FRZB: variants seen among roughly 807,000 people sequenced by gnomAD.
FRZB encodes the protein secreted frizzled-related protein 3.
In FRZB, 34 loss-of-function variants were observed where a neutral mutation model predicts 32.5. That is an observed-to-expected ratio of 1.05 (90% CI 0.80 to 1.39). FRZB has a LOEUF of 1.39. Among genes scored for constraint, FRZB ranks in the 40% most tolerant of loss-of-function variants. The probability of loss-of-function intolerance (pLI) is 0.00; values close to 1 mark genes in which losing one functional copy is unlikely to be tolerated. For missense variants in FRZB, 423 were observed against 424.8 expected (o/e 1.00, Z 0.04); for synonymous variants, 170 against 159.2 (o/e 1.07, Z -0.51).
At chr2:182,852,377 G>A (rs80252162) in intron 2 of FRZB, among the ~76,000 whole-genome samples, 7,891 of 152,228 alleles carry the variant, frequency 0.052, 264 homozygotes, top group Non-Finnish European at 0.075. Flanking sequence ...CCAAGAGCAG[G>A]TTAGTGAAAA....
At chr2:182,853,127 C>T (rs761132598) in intron 2 of FRZB, among the ~76,000 whole-genome samples, 1 of 152,100 alleles carries the variant, frequency 6.6e-6, no homozygotes, top group African/African-American at 2.4e-5. Context: ...GTTTTTTTCA[C>T]AAACAGAATG....
intron 1 of FRZB, 84 bp from the exon 2 acceptor site, chr2:182,858,917 T>C (rs1695800388): frequency 8.8e-7 from 1 of 1,134,884 alleles, no homozygotes; most frequent in Non-Finnish European, 1.3e-6. Flanking sequence ...AGTCACAAGT[T>C]TGATTTGGGT....
At chr2:182,848,915 A>C (rs1201721030) in intron 2 of FRZB, among the ~76,000 whole-genome samples, 2 of 152,150 alleles carry the variant, frequency 1.3e-5, no homozygotes, top group African/African-American at 2.4e-5. Context: ...GGGTGATAAG[A>C]CACCAGACAA....
At chr2:182,844,584 G>A (rs1001944042) in intron 2 of FRZB, among the ~76,000 whole-genome samples, 8 of 152,030 alleles carry the variant, frequency 5.3e-5, no homozygotes, top group African/African-American at 1.4e-4. Flanking sequence ...TCAGAAATTT[G>A]CATGTGCTCA....
chr2:182,863,054 G>T (rs998344143), intron 1 of FRZB, among the ~76,000 whole-genome samples: 2 of 152,214 alleles, frequency 1.3e-5, no homozygotes, highest in Non-Finnish European at 2.9e-5. Context: ...ACAGGAGTGA[G>T]CCACTGCACC....
chr2:182,866,212 C>T lies in FRZB; in HGVS notation c.341G>A (p.Arg114Gln), dbSNP rs200401426. The change falls in exon 1 of 6, where the codon CGG becomes CAG. Residue 114 changes from arginine (R) to glutamine (Q), a missense_variant. Transcript: ENST00000295113. The surrounding 1 kb of genome is among the most constrained non-coding windows in gnomAD (Gnocchi z 4.5). Reference protein sequence around the residue: ...PIKPCKSVCERARQGCEPILI... With the variant: ...PIKPCKSVCEQARQGCEPILI... ...TATGGGCTCACAGCCCTGCCGGGCCCGCTCGCACACAGACTTACAGGGCTT... is the reference window on the plus strand; with the variant it reads ...TATGGGCTCACAGCCCTGCCGGGCCTGCTCGCACACAGACTTACAGGGCTT... 3.7e-6 allele frequency: 6 copies of T among 1,614,044 alleles called. No individual in the cohort carries two copies. The highest frequency in any genetic ancestry group is 1.1e-5 in the South Asian group (1 of 91,078).
Position 182,866,194 on chromosome 2 carries a change from T to C in FRZB, c.359A>G (p.Glu120Gly). ...GTGGCGGTACTTGATGAGTATGGGC[T>C]CACAGCCCTGCCGGGCCCGCTCGCA... ...SVCERARQGCEPILIKYRHSW... is the reference protein window; with the variant it reads ...SVCERARQGCGPILIKYRHSW... The change falls in exon 1 of 6, where the codon GAG becomes GGG. Residue 120 changes from glutamate to glycine, a missense_variant. Glu to Gly is a moderately conservative substitution (Grantham distance 98). Coordinates refer to ENST00000295113, the MANE Select transcript of FRZB (RefSeq NM_001463.4). The surrounding 1 kb of genome is among the most constrained non-coding windows in gnomAD (Gnocchi z 4.5). 6.2e-7 allele frequency: 1 copy of C among 1,614,156 alleles called. No homozygotes were observed. The highest frequency in any genetic ancestry group is 8.5e-7 in the Non-Finnish European group (1 of 1,180,006).
intron 2 of FRZB, among the ~76,000 whole-genome samples, chr2:182,848,235 G>A (rs1349548102): frequency 1.3e-5 from 2 of 152,112 alleles, no homozygotes; most frequent in South Asian, 4.1e-4. Flanking sequence ...GAGTGGCTGG[G>A]GTAGAATAGA....
chr2:182,864,194 C>T (rs549881577), intron 1 of FRZB, among the ~76,000 whole-genome samples: 16 of 152,302 alleles, frequency 1.1e-4, no homozygotes, highest in African/African-American at 3.9e-4. Flanking sequence ...AATGAAACTG[C>T]TTCCTATCCA....
rs1695889970 is a variant in FRZB, at chr2:182,866,256, G to A, written c.297C>T (p.Asp99=). The A allele has an allele frequency of 6.2e-7, 1 of 1,614,228 alleles. No individual in the cohort carries two copies. The highest frequency in any genetic ancestry group is 8.5e-7 in the Non-Finnish European group (1 of 1,180,044). The part of the protein sequence containing the change: ...CAMYAPICTI[D]FQHEPIKPCK... ...AGGGCTTGATGGGCTCGTGCTGGAA[G>A]TCAATGGTGCAGATGGGCGCGTACA... is the stretch of plus-strand genomic sequence containing the variant. The change falls in exon 1 of 6, where the codon GAC becomes GAT. Residue 99 remains aspartate (D), a synonymous_variant. Transcript: ENST00000295113. This position sits in a 1 kb window ranked among gnomAD's most constrained non-coding sequence, Gnocchi z 4.5.
chr2:182,849,197 A>C (rs965321522), intron 2 of FRZB, among the ~76,000 whole-genome samples: 10 of 151,904 alleles, frequency 6.6e-5, no homozygotes, highest in Non-Finnish European at 2.9e-5. Context: ...ACTGCACTCC[A>C]GCCTGGGCGA....
intron 1 of FRZB, among the ~76,000 whole-genome samples, chr2:182,865,443 C>T (rs1478513389): frequency 6.6e-6 from 1 of 152,142 alleles, no homozygotes; most frequent in Non-Finnish European, 1.5e-5. Context: ...AATGGAAGAA[C>T]AATTTATCTC....
chr2:182,837,268 A>C (rs995886212), intron 5 of FRZB, among the ~76,000 whole-genome samples: 1 of 152,072 alleles, frequency 6.6e-6, no homozygotes, highest in Non-Finnish European at 1.5e-5. Flanking sequence ...CTTAAAAATA[A>C]GGCTACATTA....
intron 5 of FRZB, among the ~76,000 whole-genome samples, chr2:182,836,757 G>C (rs1695530011): frequency 6.6e-6 from 1 of 151,998 alleles, no homozygotes; most frequent in South Asian, 2.1e-4. Flanking sequence ...CTGAACAAGA[G>C]CCACTTTTTT....
intron 2 of FRZB, among the ~76,000 whole-genome samples, chr2:182,853,293 T>C (rs1280426114): frequency 2.0e-5 from 3 of 152,224 alleles, no homozygotes; most frequent in Non-Finnish European, 4.4e-5. Flanking sequence ...TTGTTGATAG[T>C]GTTGTTGATG....
In FRZB at chr2:182,833,641, T is replaced by C. The variant is rs1695489349; in HGVS notation, c.*1208A>G. On this transcript the variant is annotated 3_prime_UTR_variant, in exon 6 of 6. Coordinates refer to ENST00000295113, the MANE Select transcript of FRZB (RefSeq NM_001463.4). ...TGGGATCTCACCACAGCTTGGGTAA[T>C]GAGAAATGTGCAATTGGTTCAAAAG... 6.6e-6 allele frequency: 1 copy of C among 152,160 alleles called. No homozygotes were observed. Among genetic ancestry groups the C allele is most frequent in the Non-Finnish European group, 1.5e-5 (1 of 68,018 alleles). The allele number at this position is 152,160 out of a possible 1,614,324, so 9.4% of individuals were successfully genotyped here. A position where few individuals can be genotyped will look rare whatever the true frequency, so the allele number is the denominator to read the frequency against.
chr2:182,838,577 C>CACTT lies in FRZB; in HGVS notation c.625_628dup (p.Cys210Ter). The CACTT allele has an allele frequency of 3.1e-6, 5 of 1,612,780 alleles. No homozygotes were observed. The highest frequency in any genetic ancestry group is 4.2e-6 in the Non-Finnish European group (5 of 1,179,094). ...CTCCACTACTGCAGTCACATCATGG[C>CACTT]ACTTAGTCTTTATCTCTTTAACTTT... On this transcript the variant is annotated stop_gained and frameshift_variant, in exon 4 of 6. Transcript: ENST00000295113. LOFTEE classifies it high-confidence loss of function.
chr2:182,840,524 A>G (rs941136356), intron 3 of FRZB, among the ~76,000 whole-genome samples: 9 of 152,112 alleles, frequency 5.9e-5, no homozygotes, highest in Non-Finnish European at 2.9e-5. Flanking sequence ...AATGAAGTAG[A>G]GGTTTTGTCT....
In FRZB at chr2:182,858,698, G is replaced by T. The variant is rs954437667; in HGVS notation, c.526+88C>A. The T allele has an allele frequency of 1.2e-5, 11 of 899,332 alleles. No individual in the cohort carries two copies. In the Admixed American group the frequency reaches 1.8e-4, roughly 15 times the overall value. The allele number at this position is 899,332 out of a possible 1,614,324, so 55.7% of individuals were successfully genotyped here. On this transcript the variant is annotated intron_variant, in intron 2 of 5. Transcript: ENST00000295113. ...TTTACTTGTAAAATGTAGGGCACAA[G>T]CTTCCCCATGAATGACTTAAGTATC... is the stretch of plus-strand genomic sequence containing the variant.
Sources: gnomAD v4.1 joint callset for allele counts (sites outside exome capture counted in the v4.1 genomes callset) on GRCh38, gnomAD v4.1.1 for gene constraint, Gnocchi (gnomAD v3.1) non-coding constraint, MANE v1.5 for transcripts, NCBI Gene and HGNC (gene_info 2026-07-23, HGNC 2026-07-21) for gene names.